EPCAM: variants seen among roughly 807,000 people sequenced by gnomAD.
The protein encoded by EPCAM is adenocarcinoma-associated antigen.
EPCAM carries 39 observed loss-of-function variants against 40.0 expected under a neutral mutation model. The ratio of observed to expected loss-of-function variants is 0.98; its 90% CI spans 0.76 to 1.27. EPCAM has a LOEUF of 1.27. Ranked by LOEUF, EPCAM falls within the 50% of genes most tolerant of loss-of-function variation. The probability of loss-of-function intolerance (pLI) is 0.00; values close to 1 mark genes in which losing one functional copy is unlikely to be tolerated. For synonymous variants in EPCAM, 168 were observed against 132.3 expected, an observed-to-expected ratio of 1.27 and a Z score of -1.85; for missense variants, 503 against 381.2, an observed-to-expected ratio of 1.32 and a Z score of -2.66.
chr2:47,376,866 A>C (rs780903142), intron 4 of EPCAM, 148 bp from the exon 5 acceptor site: 25 of 630,492 alleles, frequency 4.0e-5, no homozygotes, highest in Non-Finnish European at 5.7e-5. Flanking sequence ...GCCTGAATCA[A>C]TTATTATTAT....
intron 7 of EPCAM, among the ~76,000 whole-genome samples, chr2:47,383,607 CTTTTTTTTTTTTTTTTTTTTTTTTTTTTT>C (rs760722807): frequency 0.026 from 953 of 36,502 alleles, 55 homozygotes; most frequent in Admixed American, 0.19. Context: ...CCGGCTTCTT[CTTTTTTTTTTTTTTTTTTTTTTTTTTTTT>C]TTTTTTTTTT....
rs138461304 is a variant in EPCAM, at chr2:47,377,689, TTAAAG to T, written c.555+617_555+621del. Reference sequence around the variant, plus strand: ...CCTGTGGATGAGCTCCAGTAACATCTTAAAGTAAATATGCACCAAAATTACTTTTG... The same window carrying T: ...CCTGTGGATGAGCTCCAGTAACATCTTAAATATGCACCAAAATTACTTTTG... On this transcript the variant is annotated intron_variant, in intron 5 of 8. Transcript: ENST00000263735. The T allele has an allele frequency of 3.2e-4, 122 of 382,386 alleles. No individual in the cohort carries two copies. The East Asian group carries it at 6.4e-3, about 20-fold the overall frequency. 23.7% of individuals were successfully genotyped at this position (382,386 alleles called of 1,614,324 possible).
chr2:47,379,362 C>T (rs112724660), intron 6 of EPCAM, among the ~76,000 whole-genome samples: 2,100 of 152,142 alleles, frequency 0.014, 50 homozygotes, highest in African/African-American at 0.048. Flanking sequence ...AAATAAAAGT[C>T]TGTTAAAAAA....
intron 5 of EPCAM, among the ~76,000 whole-genome samples, chr2:47,378,257 G>T (rs1671479672): frequency 2.7e-5 from 4 of 150,886 alleles, no homozygotes; most frequent in Admixed American, 2.0e-4. Context: ...AAACAACATG[G>T]AAAATGCATG....
At chr2:47,383,305 GAAAA>G (rs372391242) in intron 7 of EPCAM, 215 of 124,134 alleles carry the variant, frequency 1.7e-3, no homozygotes, top group African/African-American at 5.9e-3. Context: ...GACTCCATCT[GAAAA>G]AAAAAAAAAA....
At chr2:47,375,536 G>C (rs755304498) in intron 4 of EPCAM, among the ~76,000 whole-genome samples, 1 of 152,082 alleles carries the variant, frequency 6.6e-6, no homozygotes, top group Non-Finnish European at 1.5e-5. Context: ...ATATGTGTGT[G>C]TGCTTTACAT....
At chr2:47,380,304 A>G (rs1020425151) in intron 7 of EPCAM, among the ~76,000 whole-genome samples, 8 of 152,148 alleles carry the variant, frequency 5.3e-5, no homozygotes, top group Admixed American at 5.2e-4. Context: ...GCAACACAGC[A>G]GGACCCTGTC....
chr2:47,369,700 G>A (rs1186848095), intron 1 of EPCAM, 119 bp downstream of exon 1: 11 of 1,081,808 alleles, frequency 1.0e-5, no homozygotes, highest in Non-Finnish European at 1.2e-5. Flanking sequence ...GCGCTTTCCA[G>A]CGTGGAGACC....
At chr2:47,382,981 C>G (rs1671631999) in intron 7 of EPCAM, among the ~76,000 whole-genome samples, 1 of 151,576 alleles carries the variant, frequency 6.6e-6, no homozygotes, top group Non-Finnish European at 1.5e-5. Flanking sequence ...GCACACCAAA[C>G]TGTTAAATTT....
At chr2:47,375,094 G>GTATGAAGGATGTGT in intron 3 of EPCAM, 140 bp from the exon 4 acceptor site, 1 of 654,260 alleles carries the variant, frequency 1.5e-6, no homozygotes, top group South Asian at 1.7e-5. Context: ...ATGTGTAAGG[G>GTATGAAGGATGTGT]AAGAAATTAT....
chr2:47,379,100 C>A (rs1488754119), intron 6 of EPCAM, 46 bp downstream of exon 6: 1 of 997,174 alleles, frequency 1.0e-6, no homozygotes, highest in Non-Finnish European at 1.6e-6. Context: ...TGTAGTCTAT[C>A]ATGCCTCAAT....
chr2:47,372,404 G>A (rs1439974035), intron 1 of EPCAM, among the ~76,000 whole-genome samples: 3 of 152,022 alleles, frequency 2.0e-5, no homozygotes, highest in South Asian at 4.2e-4. Flanking sequence ...TTAGGAGGCC[G>A]AGGTGGGTGG....
chr2:47,369,493 G>T lies in EPCAM; in HGVS notation c.-13G>T. 6.5e-7 allele frequency: 1 copy of T among 1,526,788 alleles called. No homozygotes were observed. The highest frequency in any genetic ancestry group is 8.8e-7 in the Non-Finnish European group (1 of 1,141,486). The allele number at this position is 1,526,788 out of a possible 1,614,324, so 94.6% of individuals were successfully genotyped here. ...GGCCCCTCCCGCGCCCCTCTTCTCG[G>T]CGCGCGCGCAGCATGGCGCCCCCGC... On this transcript the variant is annotated 5_prime_UTR_variant, in exon 1 of 9. Coordinates refer to ENST00000263735, the MANE Select transcript of EPCAM (RefSeq NM_002354.3).
chr2:47,385,332 G>C, intron 8 of EPCAM, 122 bp downstream of exon 8: 3 of 809,094 alleles, frequency 3.7e-6, no homozygotes, highest in South Asian at 2.8e-5. Flanking sequence ...GTTGTCTTTA[G>C]GGTCTTAGGG....
At position 47,377,068 on chromosome 2, in the gene EPCAM, G is replaced by A. The variant is rs557688130; in HGVS notation, c.546G>A (p.Thr182=). 5.6e-6 allele frequency: 9 copies of A among 1,600,764 alleles called. No homozygotes were observed. Among genetic ancestry groups the A allele is most frequent in the East Asian group, 4.5e-5 (2 of 44,788 alleles). ...TRYQLDPKFI[T]SILYENNVIT... is the part of the protein sequence containing the mutation. ...ATCAACTGGATCCAAAATTTATCAC[G>A]AGTATTTTGGTATGATTTTTTAATA... Residue 182 remains threonine, a synonymous_variant, in exon 5 of 9, where the codon ACG becomes ACA. Coordinates refer to ENST00000263735, the MANE Select transcript of EPCAM (RefSeq NM_002354.3).
intron 7 of EPCAM, among the ~76,000 whole-genome samples, chr2:47,381,154 T>C (rs546507568): frequency 6.8e-6 from 1 of 146,086 alleles, no homozygotes; most frequent in African/African-American, 2.5e-5. Flanking sequence ...CCCAGCACTT[T>C]GGGAGGCTGA....
chr2:47,369,928 C>G (rs544948391), intron 1 of EPCAM: 226 of 406,784 alleles, frequency 5.6e-4, no homozygotes, highest in Non-Finnish European at 6.2e-5. Context: ...GTCCTCGGTT[C>G]GGGGTGGACT....
intron 1 of EPCAM, chr2:47,369,896 C>T: frequency 2.1e-6 from 1 of 469,414 alleles, no homozygotes; most frequent in Non-Finnish European, 4.1e-6. Context: ...CGAACCGGTG[C>T]CTCGCGCCCT....
intron 1 of EPCAM, among the ~76,000 whole-genome samples, chr2:47,371,596 G>T (rs998123282): frequency 1.3e-5 from 2 of 152,284 alleles, no homozygotes; most frequent in East Asian, 3.9e-4. Flanking sequence ...CTGGGACTAC[G>T]TACTTAATGT....
Sources: allele counts gnomAD v4.1 joint callset (sites outside exome capture counted in the v4.1 genomes callset), GRCh38; gene constraint gnomAD v4.1.1; transcripts MANE v1.5; gene names NCBI Gene and HGNC (gene_info 2026-07-23, HGNC 2026-07-21).